Variants in MAGI1 observed in about 807,000 individuals in gnomAD.
MAGI1 encodes the protein membrane associated guanylate kinase, WW and PDZ domain containing 1, also known as membrane-associated guanylate kinase, WW and PDZ domain-containing protein 1.
MAGI1 carries 58 observed loss-of-function variants against 139.9 expected under a neutral mutation model. The ratio of observed to expected loss-of-function variants is 0.41; its 90% CI spans 0.34 to 0.52. The LOEUF (loss-of-function observed/expected upper bound fraction) is 0.52. Among genes scored for constraint, MAGI1 ranks in the 20% least tolerant of loss-of-function variants. The probability of loss-of-function intolerance (pLI) is 0.12; values close to 1 mark genes in which losing one functional copy is unlikely to be tolerated. For synonymous variants in MAGI1, 812 were observed against 737.9 expected (o/e 1.10, Z -1.63); for missense variants, 1,874 against 1,901.6 (o/e 0.99, Z 0.27).
intron 1 of MAGI1, among the ~76,000 whole-genome samples, chr3:65,849,614 G>C (rs947272097): frequency 6.6e-6 from 1 of 151,780 alleles, no homozygotes; most frequent in Non-Finnish European, 1.5e-5. Flanking sequence ...GTCTAATACT[G>C]ACTGATAAAC....
At chr3:65,811,045 C>T (rs2041196402) in intron 1 of MAGI1, among the ~76,000 whole-genome samples, 1 of 152,210 alleles carries the variant, frequency 6.6e-6, no homozygotes, top group African/African-American at 2.4e-5. Flanking sequence ...AACGAAAGCA[C>T]ACTTGCCTTC....
chr3:65,376,094 T>C lies in MAGI1; in HGVS notation c.2996-149A>G, dbSNP rs376134181. 2.6e-4 allele frequency: 165 copies of C among 629,054 alleles called. 1 individual carries two copies. In the African/African-American group the frequency reaches 2.7e-3, roughly 10 times the overall value. 39.0% of individuals were successfully genotyped at this position (629,054 alleles called of 1,614,324 possible). On this transcript the variant is annotated intron_variant, in intron 17 of 22. Transcript: ENST00000402939. ...TTATTAAAGGAGAGCTCTGCACCGA[T>C]GGTCAAAACATTGGCAATACTCAGG...
chr3:65,598,813 C>T (rs1016444905), intron 2 of MAGI1, among the ~76,000 whole-genome samples: 2 of 152,188 alleles, frequency 1.3e-5, no homozygotes, highest in African/African-American at 4.8e-5. Context: ...GGCGGTATCA[C>T]CTCCACCCTG....
chr3:65,632,913 G>A (rs1490536028), intron 1 of MAGI1, among the ~76,000 whole-genome samples: 1 of 152,098 alleles, frequency 6.6e-6, no homozygotes, highest in Non-Finnish European at 1.5e-5. Context: ...TTGTCTCCCA[G>A]GTTAGTCTAT....
chr3:65,650,631 G>A (rs2085525576), intron 1 of MAGI1, among the ~76,000 whole-genome samples: 1 of 152,180 alleles, frequency 6.6e-6, no homozygotes, highest in Non-Finnish European at 1.5e-5. Flanking sequence ...AGAACTGTGA[G>A]AGAATAAATA....
intron 1 of MAGI1, among the ~76,000 whole-genome samples, chr3:65,930,341 A>AAAAAAAT (rs2062751381): frequency 7.2e-6 from 1 of 139,258 alleles, no homozygotes; most frequent in African/African-American, 2.7e-5. Context: ...AAAAAAAAAA[A>AAAAAAAT]TGTTATTTGT....
At chr3:65,870,708 A>G (rs1388740314) in intron 1 of MAGI1, among the ~76,000 whole-genome samples, 1 of 145,458 alleles carries the variant, frequency 6.9e-6, no homozygotes, top group Non-Finnish European at 1.5e-5. Flanking sequence ...GGATTTTACC[A>G]TTTTAGTGAA....
chr3:66,000,505 T>C (rs4688258), intron 1 of MAGI1, among the ~76,000 whole-genome samples: 85,565 of 152,084 alleles, frequency 0.56, 24,474 homozygotes, highest in East Asian at 0.7. Flanking sequence ...TCCCAACACA[T>C]ATACTGTGAT....
intron 5 of MAGI1, among the ~76,000 whole-genome samples, chr3:65,459,916 A>G (rs1427404387): frequency 1.3e-5 from 2 of 152,142 alleles, no homozygotes; most frequent in East Asian, 3.9e-4. Context: ...CAGGAGTGAG[A>G]CCCTGTCTCA....
intron 1 of MAGI1, among the ~76,000 whole-genome samples, chr3:65,755,509 G>A (rs1349502556): frequency 6.7e-6 from 1 of 149,170 alleles, no homozygotes; most frequent in Non-Finnish European, 1.5e-5. Flanking sequence ...AGGGAACAGT[G>A]GGGGTGGTAA....
chr3:65,948,343 G>C (rs2106914095), intron 1 of MAGI1, among the ~76,000 whole-genome samples: 1 of 152,208 alleles, frequency 6.6e-6, no homozygotes, highest in South Asian at 2.1e-4. Flanking sequence ...TGACTCCCTT[G>C]TTTCATAAAA....
chr3:65,766,459 T>A (rs938769290), intron 1 of MAGI1, among the ~76,000 whole-genome samples: 2 of 152,032 alleles, frequency 1.3e-5, no homozygotes, highest in African/African-American at 2.4e-5. Flanking sequence ...GTACAGCTAT[T>A]CTCCATGTTG....
Position 65,566,618 on chromosome 3 carries a change from TTTTGTTTGTTTG to T in MAGI1, c.430+55342_430+55353del, listed in dbSNP as rs141896683. On this transcript the variant is annotated intron_variant, in intron 2 of 22. Transcript: ENST00000402939. ...TTTTCCCAAGTCCGTGTTACTGGGT[TTTTGTTTGTTTG>T]TTTGTTTGTTTGTTTTGGAATGTGG... 2.6e-5 allele frequency among the ~76,000 whole-genome samples: 4 copies of T among 151,988 alleles called. No homozygotes were observed. The South Asian group carries it at 8.3e-4, about 32-fold the overall frequency.
intron 1 of MAGI1, among the ~76,000 whole-genome samples, chr3:65,679,152 T>C (rs1160392056): frequency 6.6e-6 from 1 of 151,806 alleles, no homozygotes; most frequent in Non-Finnish European, 1.5e-5. Flanking sequence ...GCCTACTTCC[T>C]TAGCTCAAAA....
chr3:65,926,745 AAC>A (rs2062544759), intron 1 of MAGI1, among the ~76,000 whole-genome samples: 1 of 152,260 alleles, frequency 6.6e-6, no homozygotes, highest in African/African-American at 2.4e-5. Flanking sequence ...CTCTAATCCC[AAC>A]ACTTTGGGAG....
intron 1 of MAGI1, among the ~76,000 whole-genome samples, chr3:65,644,417 A>C (rs6445493): frequency 0.079 from 8,688 of 109,380 alleles, 824 homozygotes; most frequent in African/African-American, 0.25. Flanking sequence ...ACCTCAGCCC[A>C]AAAAAAAAAA....
At chr3:65,705,310 C>T (rs144769280) in intron 1 of MAGI1, among the ~76,000 whole-genome samples, 63 of 152,218 alleles carry the variant, frequency 4.1e-4, no homozygotes, top group African/African-American at 1.5e-3. Flanking sequence ...CAGTGGCACA[C>T]CAAGGCCAGC....
chr3:65,999,020 G>C (rs954511265), intron 1 of MAGI1, among the ~76,000 whole-genome samples: 3 of 152,026 alleles, frequency 2.0e-5, no homozygotes, highest in African/African-American at 7.2e-5. Context: ...TTTTCATTCT[G>C]ACCCTTTATC....
chr3:65,940,636 C>G (rs913130853), intron 1 of MAGI1, among the ~76,000 whole-genome samples: 4 of 152,206 alleles, frequency 2.6e-5, no homozygotes, highest in Non-Finnish European at 5.9e-5. Context: ...GGGAGATTCA[C>G]ATTCAGTCTA....
Sources: gnomAD v4.1 joint callset for allele counts (sites outside exome capture counted in the v4.1 genomes callset) on GRCh38, gnomAD v4.1.1 for gene constraint, MANE v1.5 for transcripts, NCBI Gene and HGNC (gene_info 2026-07-23, HGNC 2026-07-21) for gene names.